Variants in LANCL1 observed in about 807,000 individuals in gnomAD.
LANCL1 encodes LanC like glutathione S-transferase 1.
Under a neutral mutation model 50.6 loss-of-function variants are expected in LANCL1, and 50 were observed. The observed-to-expected ratio is 0.99, with a 90% CI of 0.79 to 1.25. The LOEUF (loss-of-function observed/expected upper bound fraction) is 1.25. Ranked by LOEUF, LANCL1 falls within the 50% of genes most tolerant of loss-of-function variation. The pLI, the probability that LANCL1 is intolerant of heterozygous loss-of-function variation, is 0.00. For missense variants in LANCL1, 532 were observed against 480.7 expected, an observed-to-expected ratio of 1.11 and a Z score of -1.00; for synonymous variants, 188 against 178.6, an observed-to-expected ratio of 1.05 and a Z score of -0.42.
intron 3 of LANCL1, among the ~76,000 whole-genome samples, chr2:210,467,395 A>AC (rs1694099604): frequency 6.6e-6 from 1 of 152,112 alleles, no homozygotes; most frequent in African/African-American, 2.4e-5. Flanking sequence ...TGAGAGCAAG[A>AC]CCAATTCTTT....
At chr2:210,448,169 A>G (rs1420878000) in intron 4 of LANCL1, among the ~76,000 whole-genome samples, 1 of 152,232 alleles carries the variant, frequency 6.6e-6, no homozygotes, top group African/African-American at 2.4e-5. Flanking sequence ...CCATAGTGCA[A>G]TCAAATTAGA....
At chr2:210,466,127 G>A (rs1294696256) in intron 3 of LANCL1, among the ~76,000 whole-genome samples, 4 of 152,142 alleles carry the variant, frequency 2.6e-5, no homozygotes, top group Non-Finnish European at 5.9e-5. Flanking sequence ...CCTTGATGTA[G>A]GGAAATATCT....
intron 3 of LANCL1, among the ~76,000 whole-genome samples, chr2:210,467,373 C>T (rs1694098789): frequency 6.6e-6 from 1 of 152,264 alleles, no homozygotes; most frequent in East Asian, 1.9e-4. Context: ...CTTCTTCTGC[C>T]TCTGCCACCC....
At chr2:210,476,224 G>T in intron 2 of LANCL1, 92 bp downstream of exon 2, 1 of 739,626 alleles carries the variant, frequency 1.4e-6, no homozygotes, top group South Asian at 1.7e-5. Context: ...TTTTTTTAAA[G>T]GGGGATGCTC....
chr2:210,450,554 T>C (rs1233323548), intron 4 of LANCL1, among the ~76,000 whole-genome samples: 1 of 152,092 alleles, frequency 6.6e-6, no homozygotes, highest in African/African-American at 2.4e-5. Context: ...AGAGTGAACA[T>C]GCAACCTATA....
At chr2:210,452,851 C>A (rs1693550594) in intron 4 of LANCL1, among the ~76,000 whole-genome samples, 1 of 151,994 alleles carries the variant, frequency 6.6e-6, no homozygotes, top group Non-Finnish European at 1.5e-5. Context: ...TGAAGCACAA[C>A]AAAGGCAGTA....
chr2:210,436,418 T>C, intron 7 of LANCL1, 26 bp from the exon 8 acceptor site: 1 of 1,605,458 alleles, frequency 6.2e-7, no homozygotes. Context: ...ACACATTTTA[T>C]TATACGGGAT....
intron 3 of LANCL1, among the ~76,000 whole-genome samples, chr2:210,460,030 T>G (rs1693800153): frequency 6.6e-6 from 1 of 152,144 alleles, no homozygotes; most frequent in Non-Finnish European, 1.5e-5. Flanking sequence ...TTAGTCCTAT[T>G]CATTTTGGCC....
chr2:210,455,725 T>C (rs757755868), intron 3 of LANCL1, among the ~76,000 whole-genome samples: 23 of 152,162 alleles, frequency 1.5e-4, no homozygotes, highest in Non-Finnish European at 3.1e-4. Flanking sequence ...AAGAAAGGGT[T>C]TGTTGTGAAC....
chr2:210,444,731 G>C (rs974535195), intron 4 of LANCL1, among the ~76,000 whole-genome samples: 1 of 152,076 alleles, frequency 6.6e-6, no homozygotes, highest in Non-Finnish European at 1.5e-5. Flanking sequence ...AACTTGGCTA[G>C]AGGTTTCTTT....
At chr2:210,476,225 G>A (rs937770294) in intron 2 of LANCL1, 91 bp downstream of exon 2, 12 of 745,760 alleles carry the variant, frequency 1.6e-5, no homozygotes, top group African/African-American at 3.5e-5. Context: ...TTTTTTAAAG[G>A]GGGATGCTCA....
intron 3 of LANCL1, among the ~76,000 whole-genome samples, chr2:210,455,808 G>T (rs1208611153): frequency 7.7e-5 from 11 of 142,144 alleles, no homozygotes; most frequent in African/African-American, 3.0e-4. Flanking sequence ...GTGTGTGTGT[G>T]TGTTTTTTTT....
intron 5 of LANCL1, 138 bp from the exon 6 acceptor site, chr2:210,440,882 TTAA>T: frequency 1.4e-6 from 1 of 733,950 alleles, no homozygotes; most frequent in South Asian, 1.9e-5. Context: ...AAGGCACAGT[TTAA>T]TTCTCCATCA....
intron 2 of LANCL1, among the ~76,000 whole-genome samples, chr2:210,473,977 T>C (rs1024066105): frequency 4.6e-5 from 7 of 152,234 alleles, no homozygotes; most frequent in African/African-American, 1.4e-4. Context: ...TGTATATAGA[T>C]CATATATAAT....
chr2:210,464,554 C>A (rs1278506756), intron 3 of LANCL1, among the ~76,000 whole-genome samples: 1 of 151,002 alleles, frequency 6.6e-6, no homozygotes, highest in Non-Finnish European at 1.5e-5. Context: ...CCAGAAATAT[C>A]GAAAAAATTA....
At chr2:210,434,684 C>A in intron 9 of LANCL1, 121 bp from the exon 10 acceptor site, 1 of 749,966 alleles carries the variant, frequency 1.3e-6, no homozygotes, top group Non-Finnish European at 2.2e-6. Flanking sequence ...TATTCAAACA[C>A]ACAAACATCA....
chr2:210,452,448 A>G (rs1027225411), intron 4 of LANCL1, among the ~76,000 whole-genome samples: 6 of 152,088 alleles, frequency 3.9e-5, no homozygotes, highest in African/African-American at 1.4e-4. Context: ...AACAGATCTG[A>G]TATGTATCAG....
At chr2:210,456,913 G>C (rs900641653) in intron 3 of LANCL1, among the ~76,000 whole-genome samples, 2 of 152,156 alleles carry the variant, frequency 1.3e-5, no homozygotes, top group Non-Finnish European at 2.9e-5. Flanking sequence ...ACCTATTAAG[G>C]CTTGCAATTG....
In LANCL1 at chr2:210,472,181, A is replaced by G. The variant is rs1694246682; in HGVS notation, c.82-105T>C. On this transcript the variant is annotated intron_variant, in intron 2 of 9. Transcript: ENST00000450366. Reference sequence around the variant, plus strand: ...GGTATTTCTTTTCCACTTAGGACATATTTTTCCACCTGGAAGACTAAACAA... The same window carrying G: ...GGTATTTCTTTTCCACTTAGGACATGTTTTTCCACCTGGAAGACTAAACAA... 6 of 735,370 alleles carry G rather than the reference A, an allele frequency of 8.2e-6. No homozygotes were observed. The East Asian group carries it at 1.0e-4, about 12-fold the overall frequency. 45.6% of individuals were successfully genotyped at this position (735,370 alleles called of 1,614,324 possible).
Sources: gnomAD v4.1 joint callset for allele counts (sites outside exome capture counted in the v4.1 genomes callset) on GRCh38, gnomAD v4.1.1 for gene constraint, MANE v1.5 for transcripts, NCBI Gene and HGNC (gene_info 2026-07-23, HGNC 2026-07-21) for gene names.